The following TENM3 variants were observed in gnomAD, a reference collection of about 807,000 sequenced individuals.
TENM3 encodes the protein teneurin transmembrane protein 3, also known as teneurin-3.
In TENM3, 63 loss-of-function variants were observed where a neutral mutation model predicts 255.1. The ratio of observed to expected loss-of-function variants is 0.25; its 90% confidence interval spans 0.20 to 0.30. TENM3 has a LOEUF of 0.30. Among genes scored for constraint, TENM3 ranks in the 10% least tolerant of loss-of-function variants. The pLI, the probability that TENM3 is intolerant of heterozygous loss-of-function variation, is 1.00. For synonymous variants in TENM3, 1,306 were observed against 1,322.3 expected, an observed-to-expected ratio of 0.99 and a Z score of 0.27; for missense variants, 2,929 against 3,461.1, an observed-to-expected ratio of 0.85 and a Z score of 3.86.
At chr4:182,240,859 T>C (rs568156720), upstream of TENM3, among the ~76,000 whole-genome samples, 40 of 152,330 alleles carry the variant, frequency 2.6e-4, no homozygotes, top group African/African-American at 9.4e-4. Flanking sequence ...ATTACAGGGC[T>C]TTGAGACCAG....
At chr4:182,763,008 T>G (rs1234032289) in intron 22 of TENM3, among the ~76,000 whole-genome samples, 1 of 152,158 alleles carries the variant, frequency 6.6e-6, no homozygotes, top group Non-Finnish European at 1.5e-5. Context: ...CCCCCACAAC[T>G]TCTAGAAAAT....
rs1189700675 is a variant in TENM3 at position 182,781,969 on chromosome 4, C to T, written c.5304+6816C>T. On this transcript the variant is annotated intron_variant, in intron 24 of 27. Transcript: ENST00000511685. The stretch of plus-strand genomic sequence containing the variant: ...TTTTTTTCTTTATTAGTCTTGCTAG[C>T]GGTCTATCAATTTTGTTGATCCTTT... Among the ~76,000 whole-genome samples, 23 of 136,822 alleles carry T rather than the reference C, an allele frequency of 1.7e-4. No individual in the cohort carries two copies. In the South Asian group the frequency reaches 2.2e-3, roughly 13 times the overall value. 89.8% of individuals were successfully genotyped at this position (136,822 alleles called of 152,430 possible).
chr4:181,510,169 CT>C, the TENM3 span, among the ~76,000 whole-genome samples: 1 of 152,222 alleles, frequency 6.6e-6, no homozygotes, highest in African/African-American at 2.4e-5. Flanking sequence ...TCAGACGATG[CT>C]GAAAAGTTAG....
At position 182,802,317 on chromosome 4, in the gene TENM3, T is replaced by C. The variant is rs1019814212; in HGVS notation, c.*1966T>C. 6.6e-6 allele frequency: 1 copy of C among 152,662 alleles called. No individual in the cohort carries two copies. Among genetic ancestry groups the C allele is most frequent in the African/African-American group, 2.4e-5 (1 of 41,468 alleles). 9.5% of individuals were successfully genotyped at this position (152,662 alleles called of 1,614,324 possible). A position where few individuals can be genotyped will look rare whatever the true frequency, so the allele number is the denominator to read the frequency against. On this transcript the variant is annotated 3_prime_UTR_variant, in exon 28 of 28. Transcript: ENST00000511685. ...TCTGGAAATCCTTTGGCAAGTATTA[T>C]GAAGCCCAAATTTAGAAAACTATGA...
the TENM3 span, among the ~76,000 whole-genome samples, chr4:181,481,802 T>G: frequency 3.6e-3 from 543 of 152,300 alleles, 3 homozygotes; most frequent in African/African-American, 0.013. Flanking sequence ...GTATTCTATG[T>G]GTCTAGCACA....
chr4:182,305,297 C>T (rs990335602), intron 1 of TENM3, among the ~76,000 whole-genome samples: 9 of 152,134 alleles, frequency 5.9e-5, no homozygotes, highest in South Asian at 2.1e-4. Context: ...GCTTTTGTTT[C>T]TTTATCAATA....
chr4:182,055,351 A>ATAAATAAATAAG, the TENM3 span, among the ~76,000 whole-genome samples: 3 of 151,252 alleles, frequency 2.0e-5, no homozygotes, highest in Non-Finnish European at 4.4e-5. Context: ...TCTCAAAACA[A>ATAAATAAATAAG]TAAATAAATA....
At chr4:181,833,633 G>A in the TENM3 span, among the ~76,000 whole-genome samples, 53 of 152,190 alleles carry the variant, frequency 3.5e-4, no homozygotes, top group African/African-American at 1.2e-3. Context: ...AACTGAGGGG[G>A]AGAAGACCCT....
intron 3 of TENM3, among the ~76,000 whole-genome samples, chr4:182,568,767 T>G (rs1178164697): frequency 2.6e-5 from 4 of 152,196 alleles, no homozygotes; most frequent in African/African-American, 9.7e-5. Flanking sequence ...GATTGTGATA[T>G]ATTCATTCAA....
At chr4:181,792,885 A>T in the TENM3 span, among the ~76,000 whole-genome samples, 4 of 152,272 alleles carry the variant, frequency 2.6e-5, no homozygotes, top group African/African-American at 9.6e-5. Context: ...TCAAGAGCCC[A>T]TAAAGGTTGG....
At chr4:182,560,413 A>G (rs930084066) in intron 3 of TENM3, among the ~76,000 whole-genome samples, 3 of 152,164 alleles carry the variant, frequency 2.0e-5, no homozygotes, top group African/African-American at 4.8e-5. Context: ...AACTTTCGTT[A>G]TTCCCTCGAG....
Position 182,641,484 on chromosome 4 carries a change from A to G in TENM3, c.989-12287A>G, listed in dbSNP as rs573123902. On this transcript the variant is annotated intron_variant, in intron 5 of 27. Transcript: ENST00000511685. ...ATAATTTTATGCTTAAGTCAGTAGCATACATAAACATTTGTTACATAAAAG... is the reference window on the plus strand; with the variant it reads ...ATAATTTTATGCTTAAGTCAGTAGCGTACATAAACATTTGTTACATAAAAG... Among the ~76,000 whole-genome samples the G allele has an allele frequency of 5.3e-5, 8 of 152,172 alleles. 1 individual carries two copies. The South Asian group carries it at 1.7e-3, about 32-fold the overall frequency.
At chr4:182,743,587 C>G (rs542224700) in intron 19 of TENM3, among the ~76,000 whole-genome samples, 168 bp downstream of exon 19, 49 of 152,146 alleles carry the variant, frequency 3.2e-4, no homozygotes, top group Non-Finnish European at 5.9e-4. Flanking sequence ...AAGCATAACA[C>G]ATATAAATTG....
intron 4 of TENM3, among the ~76,000 whole-genome samples, chr4:182,615,624 A>T (rs988019199): frequency 2.0e-5 from 3 of 152,168 alleles, no homozygotes; most frequent in African/African-American, 7.2e-5. Context: ...CACGGTAGAT[A>T]CTTAAAAGTA....
the TENM3 span, among the ~76,000 whole-genome samples, chr4:181,720,148 G>A: frequency 6.6e-6 from 1 of 152,110 alleles, no homozygotes; most frequent in Non-Finnish European, 1.5e-5. Context: ...TTCAAAATCA[G>A]TATTTCATTC....
chr4:181,662,836 C>T, the TENM3 span, among the ~76,000 whole-genome samples: 1 of 152,186 alleles, frequency 6.6e-6, no homozygotes, highest in Non-Finnish European at 1.5e-5. Context: ...TTACCCTCTC[C>T]TATTTTTTAT....
intron 1 of TENM3, among the ~76,000 whole-genome samples, chr4:182,148,328 C>T (rs762141183): frequency 6.6e-6 from 1 of 152,056 alleles, no homozygotes; most frequent in Non-Finnish European, 1.5e-5. Flanking sequence ...TGTTTCCAAA[C>T]GAGTGTGATG....
At chr4:181,531,842 G>T in the TENM3 span, among the ~76,000 whole-genome samples, 1 of 152,172 alleles carries the variant, frequency 6.6e-6, no homozygotes, top group African/African-American at 2.4e-5. Context: ...CTGAAGGGCG[G>T]AGCAGAGTTG....
intron 3 of TENM3, among the ~76,000 whole-genome samples, chr4:182,348,612 T>C (rs544568156): frequency 2.0e-5 from 3 of 152,320 alleles, no homozygotes; most frequent in African/African-American, 7.2e-5. Context: ...TGTTTTAACA[T>C]TGGGTCAGTG....
Sources: gnomAD v4.1 joint callset for allele counts (sites outside exome capture counted in the v4.1 genomes callset) on GRCh38, gnomAD v4.1.1 for gene constraint, MANE v1.5 for transcripts, NCBI Gene and HGNC (gene_info 2026-07-23, HGNC 2026-07-21) for gene names.